PICK1: variants seen among roughly 807,000 people sequenced by gnomAD.
PICK1 encodes PRKCA-binding protein.
PICK1 carries 23 observed loss-of-function variants against 48.9 expected under a neutral mutation model. The observed-to-expected ratio is 0.47, with a 90% CI of 0.34 to 0.67. The LOEUF is 0.67. PICK1 is among the 30% of genes least tolerant of loss of function. The pLI is 0.01. For synonymous variants in PICK1, 217 were observed against 228.2 expected (o/e 0.95, Z 0.44); for missense variants, 423 against 557.1 (o/e 0.76, Z 2.42).
chr22:38,059,255 G>T lies in PICK1; in HGVS notation c.63G>T (p.Gly21=), dbSNP rs2145855527. 1 of 1,584,440 alleles carries T rather than the reference G, an allele frequency of 6.3e-7. No individual in the cohort carries two copies. The highest frequency in any genetic ancestry group is 8.6e-7 in the Non-Finnish European group (1 of 1,164,768). The change falls in exon 3 of 13, where the codon GGG becomes GGT. Residue 21 remains glycine (G), a synonymous_variant. Transcript: ENST00000356976. The part of the protein sequence containing the change: ...EDKLGIPTVP[G]KVTLQKDAQN... Reference sequence around the variant, plus strand: ...CTAGCGGAATCCCGACTGTGCCTGGGAAGGTGACCCTGCAGAAGGATGCTC... The same window carrying T: ...CTAGCGGAATCCCGACTGTGCCTGGTAAGGTGACCCTGCAGAAGGATGCTC...
intron 7 of PICK1, among the ~76,000 whole-genome samples, chr22:38,071,218 G>A (rs1200541769): frequency 2.0e-5 from 3 of 152,184 alleles, no homozygotes; most frequent in Middle Eastern, 3.4e-3. Flanking sequence ...ATGATGGTGT[G>A]TGCCTATAAT....
chr22:38,067,458 G>A (rs1431126253), intron 4 of PICK1: 4 of 436,144 alleles, frequency 9.2e-6, no homozygotes, highest in African/African-American at 4.0e-5. Flanking sequence ...ACAGGCACGC[G>A]CCACTACGCC....
intron 4 of PICK1, chr22:38,067,469 C>CA (rs2085557335): frequency 8.5e-6 from 4 of 471,560 alleles, no homozygotes; most frequent in Non-Finnish European, 8.1e-6. Flanking sequence ...CCACTACGCC[C>CA]AGCTAATTTT....
In PICK1 at chr22:38,066,628, T is replaced by C. The variant is rs1184325755; in HGVS notation, c.283-1076T>C. 6.6e-6 allele frequency among the ~76,000 whole-genome samples: 1 copy of C among 152,246 alleles called. No homozygotes were observed. Among genetic ancestry groups the C allele is most frequent in the South Asian group, 2.1e-4 (1 of 4,834 alleles). On this transcript the variant is annotated intron_variant, in intron 4 of 12. Transcript: ENST00000356976. The surrounding 1 kb of genome is among the most constrained non-coding windows in gnomAD (Gnocchi z 4.1). ...AGCCCGCTTGCCGTTGGCCTACAGC[T>C]GCTCCCTGTGGGGTGGCCCCTGAGC...
chr22:38,074,920 A>G lies in PICK1; in HGVS notation c.1036A>G (p.Asn346Asp). The change falls in exon 13 of 13, where the codon AAC (asparagine) becomes GAC (aspartate). Residue 346 changes from asparagine (N) to aspartate (D), a missense_variant. Physicochemically the swap from Asn to Asp is conservative, Grantham distance 23 (BLOSUM62 1). Transcript: ENST00000356976. The surrounding 1 kb of genome is among the most constrained non-coding windows in gnomAD (Gnocchi z 4.5). ...RLVSTMSKYYNDCYAVLRDAD... is the reference protein window; with the variant it reads ...RLVSTMSKYYDDCYAVLRDAD... The stretch of plus-strand genomic sequence containing the variant: ...CGTGTCCACCATGTCCAAGTACTAC[A>G]ACGACTGCTACGCAGTGCTGCGGGA... 1 of 1,613,594 alleles carries G rather than the reference A, an allele frequency of 6.2e-7. No homozygotes were observed. The highest frequency in any genetic ancestry group is 8.5e-7 in the Non-Finnish European group (1 of 1,180,016).
intron 6 of PICK1, among the ~76,000 whole-genome samples, 154 bp downstream of exon 6, chr22:38,069,276 C>T (rs1042472718): frequency 6.6e-6 from 1 of 152,178 alleles, no homozygotes; most frequent in East Asian, 1.9e-4. Context: ...TCTCTGTACC[C>T]CCAGAGGCCT....
At position 38,074,825 on chromosome 22, in the gene PICK1, A is replaced by G. The variant is rs1180822543; in HGVS notation, c.980-39A>G. 6.2e-7 allele frequency: 1 copy of G among 1,603,438 alleles called. No homozygotes were observed. The highest frequency in any genetic ancestry group is 8.5e-7 in the Non-Finnish European group (1 of 1,179,284). On this transcript the variant is annotated intron_variant, in intron 12 of 12. Transcript: ENST00000356976. This position sits in a 1 kb window ranked among gnomAD's most constrained non-coding sequence, Gnocchi z 4.5. The stretch of plus-strand genomic sequence containing the variant: ...AGTCTCCTCCCTGAGGCAGGCAGCC[A>G]GAGCCCACTGCAGCCTGTCCCCCGA...
At position 38,074,407 on chromosome 22, in the gene PICK1, G is replaced by T; in HGVS notation, c.935G>T (p.Arg312Leu). ...GCGCGCGCCCGCTTCTCCCAGATGC[G>T]CAAGGATGTGCTGGAGAAGATGGAG... ...QEARARFSQM[R>L]KDVLEKMELL... is the part of the protein sequence containing the mutation. The change falls in exon 12 of 13, where the codon CGC (arginine) becomes CTC (leucine). Residue 312 changes from arginine to leucine, a missense_variant. Around this residue, in one of 2 missense-constraint regions of PICK1, gnomAD observed 144 missense variants for 139.3 expected, o/e 1.03. Transcript: ENST00000356976. This position sits in a 1 kb window ranked among gnomAD's most constrained non-coding sequence, Gnocchi z 4.5. The T allele has an allele frequency of 6.2e-7, 1 of 1,613,108 alleles. No individual in the cohort carries two copies. Among genetic ancestry groups the T allele is most frequent in the Non-Finnish European group, 8.5e-7 (1 of 1,179,962 alleles).
intron 4 of PICK1, chr22:38,067,399 T>A: frequency 2.8e-6 from 1 of 354,302 alleles, no homozygotes; most frequent in Non-Finnish European, 5.5e-6. Context: ...AACCTCCGCC[T>A]CCCAGGTTCA....
In PICK1 at chr22:38,074,492, G is replaced by A. The variant is rs750578213; in HGVS notation, c.979+41G>A. 1.2e-6 allele frequency: 2 copies of A among 1,610,426 alleles called. No homozygotes were observed. Among genetic ancestry groups the A allele is most frequent in the African/African-American group, 1.3e-5 (1 of 74,976 alleles). On this transcript the variant is annotated intron_variant, in intron 12 of 12. Transcript: ENST00000356976. This position sits in a 1 kb window ranked among gnomAD's most constrained non-coding sequence, Gnocchi z 4.5. ...CTCCCCGTCCGCTCTCCATTTCAGA[G>A]GTGGGAAAACTGAGGCCCAGAGGGG...
rs1397582647 is a variant in PICK1 at position 38,059,217 on chromosome 22, C to T, written c.42-17C>T. 20 of 1,550,036 alleles carry T rather than the reference C, an allele frequency of 1.3e-5. No homozygotes were observed. The highest frequency in any genetic ancestry group is 1.9e-5 in the Admixed American group (1 of 52,310). ...CCTTCTGCCAGGAGAGTCAGCCTAG[C>T]TTGCTTTCCTTTCTAGCGGAATCCC... On this transcript the variant is annotated splice_polypyrimidine_tract_variant and intron_variant, in intron 2 of 12. Coordinates refer to ENST00000356976, the MANE Select transcript of PICK1 (RefSeq NM_012407.4).
intron 2 of PICK1, 33 bp downstream of exon 2, chr22:38,057,883 A>G (rs745465461): frequency 2.6e-6 from 4 of 1,566,712 alleles, no homozygotes; most frequent in Admixed American, 1.7e-5. Context: ...TTCCAGCAGT[A>G]TAGGAGCCCC....
rs753705400 is a variant in PICK1, at chr22:38,066,631, T to C, written c.283-1073T>C. On this transcript the variant is annotated intron_variant, in intron 4 of 12. Transcript: ENST00000356976. This position sits in a 1 kb window ranked among gnomAD's most constrained non-coding sequence, Gnocchi z 4.1. ...CCGCTTGCCGTTGGCCTACAGCTGCTCCCTGTGGGGTGGCCCCTGAGCACG... is the reference window on the plus strand; with the variant it reads ...CCGCTTGCCGTTGGCCTACAGCTGCCCCCTGTGGGGTGGCCCCTGAGCACG... Among the ~76,000 whole-genome samples the C allele has an allele frequency of 6.6e-6, 1 of 152,186 alleles. No homozygotes were observed. The highest frequency in any genetic ancestry group is 2.1e-4 in the South Asian group (1 of 4,826).
Position 38,074,274 on chromosome 22 carries a change from TGAG to T in PICK1, c.835-32_835-30del. 1 of 1,611,664 alleles carries T rather than the reference TGAG, an allele frequency of 6.2e-7. No individual in the cohort carries two copies. ...GCACAGTGCGGTGCGAGGCCGTCCC[TGAG>T]CAGGCACTCCTGTCCCACCCCCGCC... On this transcript the variant is annotated intron_variant, in intron 11 of 12. Transcript: ENST00000356976. The surrounding 1 kb of genome is among the most constrained non-coding windows in gnomAD (Gnocchi z 4.5).
At chr22:38,058,170 A>C in intron 2 of PICK1, 1 of 428,920 alleles carries the variant, frequency 2.3e-6, no homozygotes, top group Non-Finnish European at 4.3e-6. Context: ...CAGGTTTTGA[A>C]GGTTGAATAG....
Position 38,073,617 on chromosome 22 carries a change from C to T in PICK1, c.784-156C>T, listed in dbSNP as rs1282944285. Among the ~76,000 whole-genome samples the T allele has an allele frequency of 2.6e-5, 4 of 152,210 alleles. No homozygotes were observed. The highest frequency in any genetic ancestry group is 4.4e-5 in the Non-Finnish European group (3 of 68,036). On this transcript the variant is annotated intron_variant, in intron 10 of 12. Transcript: ENST00000356976. This position sits in a 1 kb window ranked among gnomAD's most constrained non-coding sequence, Gnocchi z 5.7. ...TTGGTCAACTCGGCCGCCTAAGCCT[C>T]AGGCCCTGTCATCCCTCAGCACCTG...
chr22:38,071,689 G>A lies in PICK1; in HGVS notation c.501G>A (p.Thr167=), dbSNP rs376283044. The change falls in exon 8 of 13, where the codon ACG becomes ACA. Residue 167 remains threonine, a synonymous_variant. Transcript: ENST00000356976. ...ACTCGGTCTCTCCCACAGGGATGAC[G>A]GAACACACCAAGAACCTCCTACGGG... ...ERTAELYKGM[T]EHTKNLLRAF... The A allele has an allele frequency of 3.4e-5, 55 of 1,613,414 alleles. 1 individual carries two copies. Among genetic ancestry groups the A allele is most frequent in the African/African-American group, 1.3e-4 (10 of 75,056 alleles).
intron 9 of PICK1, 30 bp from the exon 10 acceptor site, chr22:38,072,970 C>T (rs1367773139): frequency 2.7e-6 from 4 of 1,479,162 alleles, no homozygotes; most frequent in East Asian, 4.5e-5. Flanking sequence ...CCTGCCGTGA[C>T]AGCCTCAGCA....
chr22:38,073,139 G>A lies in PICK1; in HGVS notation c.783+47G>A. On this transcript the variant is annotated intron_variant, in intron 10 of 12. Coordinates refer to ENST00000356976, the MANE Select transcript of PICK1 (RefSeq NM_012407.4). The surrounding 1 kb of genome is among the most constrained non-coding windows in gnomAD (Gnocchi z 5.7). The stretch of plus-strand genomic sequence containing the variant: ...GCTGCTAGGGCAAGCGCCCACCCTG[G>A]AGATCTGCCCCACTTCAGTCAGCCA... 8.1e-7 allele frequency: 1 copy of A among 1,227,804 alleles called. No individual in the cohort carries two copies. Among genetic ancestry groups the A allele is most frequent in the Non-Finnish European group, 1.2e-6 (1 of 828,112 alleles). The allele number at this position is 1,227,804 out of a possible 1,614,324, so 76.1% of individuals were successfully genotyped here.
Sources: gnomAD v4.1 joint callset for allele counts (sites outside exome capture counted in the v4.1 genomes callset) on GRCh38, gnomAD v4.1.1 for gene constraint, gnomAD v4.1.1 regional missense constraint, Gnocchi (gnomAD v3.1) non-coding constraint, MANE v1.5 for transcripts, NCBI Gene and HGNC (gene_info 2026-07-23, HGNC 2026-07-21) for gene names.